REPS1: variants seen among roughly 807,000 people sequenced by gnomAD.
REPS1 encodes RALBP1 associated Eps domain containing 1.
In REPS1, 39 loss-of-function variants were observed where a neutral mutation model predicts 100.9. The observed-to-expected ratio is 0.39, with a 90% CI of 0.30 to 0.50. The LOEUF is 0.50. REPS1 is among the 20% of genes least tolerant of loss of function. The pLI is 0.86. For synonymous variants in REPS1, 324 were observed against 340.3 expected (o/e 0.95, Z 0.53); for missense variants, 821 against 968.5 (o/e 0.85, Z 2.02).
intron 19 of REPS1, 106 bp downstream of exon 19, chr6:138,907,389 A>G: frequency 1.4e-6 from 1 of 713,674 alleles, no homozygotes. Context: ...AAAATTAGAG[A>G]AGAGAACCAT....
chr6:138,971,156 A>C (rs1361614641), intron 1 of REPS1, among the ~76,000 whole-genome samples: 1 of 152,208 alleles, frequency 6.6e-6, no homozygotes, highest in Non-Finnish European at 1.5e-5. Flanking sequence ...AACAGAAAAA[A>C]ATCTAACCAT....
intron 1 of REPS1, among the ~76,000 whole-genome samples, chr6:138,952,372 T>A (rs1783091507): frequency 6.6e-6 from 1 of 151,882 alleles, no homozygotes; most frequent in Non-Finnish European, 1.5e-5. Flanking sequence ...ACAAAACCAA[T>A]ATACAAAAAT....
Position 138,930,017 on chromosome 6 carries a change from G to A in REPS1, c.1217C>T (p.Ser406Leu), listed in dbSNP as rs910014920. 3.7e-6 allele frequency: 6 copies of A among 1,613,564 alleles called. No individual in the cohort carries two copies. Among genetic ancestry groups the A allele is most frequent in the Admixed American group, 3.3e-5 (2 of 59,984 alleles). ...APPSKSPSMP[S>L]LNQTWPELNQ... ...CAGCTCAGGCCATGTCTGGTTTAGT[G>A]ATGGCATCGATGGTGACTTGCTTGG... The change falls in exon 9 of 20, where the codon TCA (serine) becomes TTA (leucine). Residue 406 changes from serine (S) to leucine (L), a missense_variant. Transcript: ENST00000450536.
At chr6:138,932,245 C>A (rs1781525908) in intron 8 of REPS1, among the ~76,000 whole-genome samples, 1 of 152,156 alleles carries the variant, frequency 6.6e-6, no homozygotes, top group Non-Finnish European at 1.5e-5. Context: ...TTATACTTTA[C>A]CGCTATTTCA....
intron 1 of REPS1, among the ~76,000 whole-genome samples, chr6:138,956,035 G>A (rs1286890512): frequency 6.6e-6 from 1 of 152,086 alleles, no homozygotes; most frequent in African/African-American, 2.4e-5. Context: ...ATTTTCTTGA[G>A]AGCCAAGAGT....
At chr6:138,979,974 T>C (rs888223539) in intron 1 of REPS1, among the ~76,000 whole-genome samples, 1 of 152,160 alleles carries the variant, frequency 6.6e-6, no homozygotes, top group South Asian at 2.1e-4. Context: ...TCTTACAGGC[T>C]TCTGAGAACT....
chr6:138,950,756 A>G (rs1782964265), intron 1 of REPS1, among the ~76,000 whole-genome samples: 1 of 152,182 alleles, frequency 6.6e-6, no homozygotes, highest in African/African-American at 2.4e-5. Flanking sequence ...TAATCCTTAG[A>G]ATCATTTGTC....
chr6:138,944,157 G>T lies in REPS1; in HGVS notation c.754-142C>A, dbSNP rs529326296. The T allele has an allele frequency of 4.9e-4, 364 of 743,684 alleles. 6 individuals carry two copies. The South Asian group carries it at 5.2e-3, about 11-fold the overall frequency. 46.1% of individuals were successfully genotyped at this position (743,684 alleles called of 1,614,324 possible). ...TAAAACCACACATCTGTTACAGTCA[G>T]ATTATTGGATATGTTTTTGCACAAT... On this transcript the variant is annotated intron_variant, in intron 5 of 19. Coordinates refer to ENST00000450536, the MANE Select transcript of REPS1 (RefSeq NM_001286611.2).
intron 1 of REPS1, among the ~76,000 whole-genome samples, chr6:138,949,642 T>C (rs1213409423): frequency 1.3e-5 from 2 of 151,834 alleles, no homozygotes; most frequent in Non-Finnish European, 2.9e-5. Flanking sequence ...GAGAGGATCA[T>C]TTGAACTCGG....
intron 12 of REPS1, among the ~76,000 whole-genome samples, chr6:138,919,409 C>T (rs1051811751): frequency 6.6e-6 from 1 of 152,188 alleles, no homozygotes; most frequent in Non-Finnish European, 1.5e-5. Flanking sequence ...CAGACTGATC[C>T]AGTTAAAAAG....
At position 138,911,294 on chromosome 6, in the gene REPS1, A is replaced by G. The variant is rs776435577; in HGVS notation, c.2049T>C (p.Ala683=). 6.2e-7 allele frequency: 1 copy of G among 1,610,124 alleles called. No individual in the cohort carries two copies. Among genetic ancestry groups the G allele is most frequent in the South Asian group, 1.1e-5 (1 of 90,964 alleles). Residue 683 remains alanine (A), a synonymous_variant, in exon 17 of 20, where the codon GCT becomes GCC. Transcript: ENST00000450536. ...TDSKTEEKTA[A]SAPANVSKGT... ...TGCATACCACATTGGCAGGAGCACT[A>G]GCAGCTGTCTTTTCTTCAGTTTTAC...
At chr6:138,967,006 C>A (rs1206924471) in intron 1 of REPS1, among the ~76,000 whole-genome samples, 1 of 152,162 alleles carries the variant, frequency 6.6e-6, no homozygotes, top group East Asian at 1.9e-4. Flanking sequence ...AGAGGCAGGA[C>A]CTTCAAGAGG....
At chr6:138,932,074 T>C (rs750466564) in intron 8 of REPS1, among the ~76,000 whole-genome samples, 11 of 152,180 alleles carry the variant, frequency 7.2e-5, no homozygotes, top group Admixed American at 3.3e-4. Context: ...TTCTCATGAT[T>C]TCTTCTACTG....
chr6:138,979,198 C>CAAAAAAAAAAAAAAAAAAAAAAAAAAA (rs1277794755), intron 1 of REPS1, among the ~76,000 whole-genome samples: 2 of 91,796 alleles, frequency 2.2e-5, no homozygotes, highest in Non-Finnish European at 2.0e-5. Context: ...AAAAAAAAAA[C>CAAAAAAAAAAAAAAAAAAAAAAAAAAA]AAAAAAAAAA....
At chr6:138,910,526 G>T (rs192199896) in intron 17 of REPS1, among the ~76,000 whole-genome samples, 1 of 152,086 alleles carries the variant, frequency 6.6e-6, no homozygotes, top group Non-Finnish European at 1.5e-5. Context: ...GCTAATATTT[G>T]TACTTTTTGT....
intron 1 of REPS1, among the ~76,000 whole-genome samples, chr6:138,981,131 C>CAGAT (rs1353645410): frequency 1.3e-5 from 2 of 152,180 alleles, no homozygotes; most frequent in East Asian, 3.8e-4. Flanking sequence ...GTTTTCTAAG[C>CAGAT]AGATGTCCAG....
At chr6:138,932,132 T>C (rs953506436) in intron 8 of REPS1, among the ~76,000 whole-genome samples, 4 of 152,166 alleles carry the variant, frequency 2.6e-5, no homozygotes, top group African/African-American at 9.7e-5. Context: ...AGGGCAGTTA[T>C]GATTTGGGAC....
chr6:138,982,258 A>T (rs1448478639), intron 1 of REPS1, among the ~76,000 whole-genome samples: 1 of 152,250 alleles, frequency 6.6e-6, no homozygotes, highest in African/African-American at 2.4e-5. Context: ...AGACAAAAAC[A>T]AAATGGTTTG....
intron 2 of REPS1, 41 bp from the exon 3 acceptor site, chr6:138,945,738 G>T: frequency 7.0e-7 from 1 of 1,421,416 alleles, no homozygotes; most frequent in Non-Finnish European, 9.4e-7. Context: ...AATAAAAAAG[G>T]ACATATATAT....
Sources: gnomAD v4.1 joint callset for allele counts (sites outside exome capture counted in the v4.1 genomes callset) on GRCh38, gnomAD v4.1.1 for gene constraint, MANE v1.5 for transcripts, NCBI Gene and HGNC (gene_info 2026-07-23, HGNC 2026-07-21) for gene names.